The following LYST variants were observed in gnomAD, a reference collection of about 807,000 sequenced individuals.
LYST encodes lysosomal-trafficking regulator.
In LYST, 192 loss-of-function variants were observed where a neutral mutation model predicts 413.6. The ratio of observed to expected loss-of-function variants is 0.46; its 90% CI spans 0.41 to 0.52. LYST has a LOEUF of 0.52. LYST is among the 20% of genes least tolerant of loss of function. LYST has a pLI of 0.00. For synonymous variants in LYST, 1,525 were observed against 1,567.3 expected (o/e 0.97, Z 0.64); for missense variants, 3,815 against 4,499.9 (o/e 0.85, Z 4.35).
chr1:235,812,085 T>C (rs1334252531), intron 4 of LYST, among the ~76,000 whole-genome samples: 2 of 151,990 alleles, frequency 1.3e-5, no homozygotes, highest in African/African-American at 4.8e-5. Context: ...ACTATTAATC[T>C]CTCCAATGAA....
chr1:235,770,247 T>G lies in LYST; in HGVS notation c.5835A>C (p.Ala1945=). The G allele has an allele frequency of 6.2e-7, 1 of 1,613,682 alleles. No homozygotes were observed. The highest frequency in any genetic ancestry group is 1.7e-5 in the Admixed American group (1 of 59,976). The change falls in exon 20 of 53, where the codon GCA becomes GCC. Residue 1945 remains alanine, a synonymous_variant. Transcript: ENST00000389793. ...LLAALEVLIR[A]DHHQQMFNIK... is the part of the protein sequence containing the mutation. ...TATTAAACATCTGCTGGTGGTGATC[T>G]GCTCTGATGAGGACTTCTAGAGCTG...
chr1:235,802,309 C>T (rs1362882733), intron 8 of LYST, among the ~76,000 whole-genome samples: 1 of 151,574 alleles, frequency 6.6e-6, no homozygotes, highest in Non-Finnish European at 1.5e-5. Flanking sequence ...CCATCTTTTC[C>T]ATTCTACTCA....
At position 235,693,337 on chromosome 1, in the gene LYST, A is replaced by G; in HGVS notation, c.10701+13T>C. 1 of 1,578,920 alleles carries G rather than the reference A, an allele frequency of 6.3e-7. No individual in the cohort carries two copies. ...CTTAAAAATAAATAAATAAAATAAA[A>G]TAAAGTGTTTACCTGGTACTGTTGT... On this transcript the variant is annotated intron_variant, in intron 47 of 52. Transcript: ENST00000389793.
chr1:235,753,012 G>A (rs964117527), intron 26 of LYST, 32 bp downstream of exon 26: 86 of 1,141,176 alleles, frequency 7.5e-5, no homozygotes, highest in Non-Finnish European at 1.1e-4. Flanking sequence ...GTATTTATCA[G>A]ATGTAATTTT....
intron 1 of LYST, among the ~76,000 whole-genome samples, chr1:235,873,149 A>G (rs888565554): frequency 6.6e-6 from 1 of 152,176 alleles, no homozygotes; most frequent in Non-Finnish European, 1.5e-5. Flanking sequence ...CAAGGCACCA[A>G]ACTTTGGGGT....
At chr1:235,669,223 A>G (rs953771563) in intron 50 of LYST, among the ~76,000 whole-genome samples, 11 of 152,178 alleles carry the variant, frequency 7.2e-5, no homozygotes, top group African/African-American at 2.7e-4. Flanking sequence ...AATCAACCAC[A>G]TGATTGAGGA....
At chr1:235,879,740 CTT>C (rs66680369) in intron 1 of LYST, among the ~76,000 whole-genome samples, 98 of 146,214 alleles carry the variant, frequency 6.7e-4, no homozygotes, top group Non-Finnish European at 6.2e-4. Flanking sequence ...TTCTTTCTTT[CTT>C]TTTTTTTTTT....
chr1:235,882,812 T>C lies in LYST; in HGVS notation n.454+375A>G, dbSNP rs138425127. 1.4e-3 allele frequency among the ~76,000 whole-genome samples: 211 copies of C among 152,210 alleles called. 3 individuals carry two copies. In the East Asian group the frequency reaches 0.036, roughly 26 times the overall value. On this transcript the variant is annotated intron_variant and non_coding_transcript_variant, in intron 1 of 11. Transcript: ENST00000465349. ...CTTGTGTAAAAACATCCCACATGAG[T>C]CCATCTGCACACATGTATTGAGTGA... is the stretch of plus-strand genomic sequence containing the variant.
At chr1:235,880,115 G>A (rs60444302) in intron 1 of LYST, among the ~76,000 whole-genome samples, 8,974 of 152,250 alleles carry the variant, frequency 0.059, 882 homozygotes, top group African/African-American at 0.2. Flanking sequence ...TACATGCATA[G>A]CACTGTACCT....
intron 1 of LYST, among the ~76,000 whole-genome samples, chr1:235,847,843 C>G (rs1264611036): frequency 6.6e-6 from 1 of 152,158 alleles, no homozygotes; most frequent in East Asian, 1.9e-4. Context: ...GAAGATATCA[C>G]AATCCTAAAC....
chr1:235,709,209 C>G lies in LYST; in HGVS notation c.10025G>C (p.Arg3342Pro). 6.2e-7 allele frequency: 1 copy of G among 1,614,026 alleles called. No homozygotes were observed. The highest frequency in any genetic ancestry group is 8.5e-7 in the Non-Finnish European group (1 of 1,179,996). The stretch of plus-strand genomic sequence containing the variant: ...CACGTAGTCAGACTCTAGAGCCTGC[C>G]GATGGATGAGGATAAAAAGACGAGG... Reference protein sequence around the residue: ...NDPRLFILIHRQALESDYVSQ... With the variant: ...NDPRLFILIHPQALESDYVSQ... The change falls in exon 44 of 53, where the codon CGG becomes CCG. Residue 3342 changes from arginine (R) to proline (P), a missense_variant. Transcript: ENST00000389793.
At chr1:235,780,510 A>G (rs1255203595) in intron 16 of LYST, among the ~76,000 whole-genome samples, 1 of 152,140 alleles carries the variant, frequency 6.6e-6, no homozygotes, top group Non-Finnish European at 1.5e-5. Context: ...AAGTATGGAA[A>G]GAAAATATAA....
At chr1:235,695,260 T>C (rs891197338) in intron 46 of LYST, among the ~76,000 whole-genome samples, 7 of 152,256 alleles carry the variant, frequency 4.6e-5, no homozygotes, top group African/African-American at 1.7e-4. Context: ...TTGTTATTCC[T>C]ACTTTATAGA....
rs933705526 is a variant in LYST at position 235,749,828 on chromosome 1, G to A, written c.7780+1382C>T. On this transcript the variant is annotated intron_variant, in intron 28 of 52. Coordinates refer to ENST00000389793, the MANE Select transcript of LYST (RefSeq NM_000081.4). ...GTTACGTAGGGCTCTAAGGCTCAAG[G>A]TGACAAAATGCTAGTATCTAAAGAG... Among the ~76,000 whole-genome samples the A allele has an allele frequency of 5.3e-5, 8 of 152,266 alleles. No individual in the cohort carries two copies. In the East Asian group the frequency reaches 1.5e-3, roughly 29 times the overall value.
At chr1:235,800,515 A>G (rs1481201299) in intron 9 of LYST, 129 bp from the exon 10 acceptor site, 2 of 637,766 alleles carry the variant, frequency 3.1e-6, no homozygotes, top group East Asian at 2.8e-5. Context: ...AAATGACTAA[A>G]AAGACTACTA....
Position 235,808,688 on chromosome 1 carries a change from C to A in LYST, c.2130G>T (p.Gln710His). The A allele has an allele frequency of 6.2e-7, 1 of 1,613,540 alleles. No homozygotes were observed. Among genetic ancestry groups the A allele is most frequent in the Non-Finnish European group, 8.5e-7 (1 of 1,179,576 alleles). The change falls in exon 5 of 53, where the codon CAG (glutamine) becomes CAT (histidine). Residue 710 changes from glutamine to histidine, a missense_variant. By Grantham distance (24) the Gln-to-His change is conservative (BLOSUM62 0). Around this residue, in one of 4 missense-constraint regions of LYST, gnomAD observed 1,648 missense variants for 1,810.3 expected, o/e 0.91. Transcript: ENST00000389793. ...TTAAATTGCAAATGTGATTTGCAATCTGTATACTATGTAATCTGTCTTCTT... is the reference window on the plus strand; with the variant it reads ...TTAAATTGCAAATGTGATTTGCAATATGTATACTATGTAATCTGTCTTCTT... ...VFEEDRLHSI[Q>H]IANHICNLIQ...
In LYST at chr1:235,709,252, G is replaced by T. The variant is rs781461708; in HGVS notation, c.9982C>A (p.Pro3328Thr). 3 of 1,613,920 alleles carry T rather than the reference G, an allele frequency of 1.9e-6. No individual in the cohort carries two copies. Among genetic ancestry groups the T allele is most frequent in the Admixed American group, 1.7e-5 (1 of 59,976 alleles). ...GERVNHVNLP[P>T]WARNDPRLFI... ...AGACGAGGATCATTACGCGCCCAAG[G>T]GGGAAGGTTGACGTGATTAACCCGT... is the stretch of plus-strand genomic sequence containing the variant. Residue 3328 changes from proline to threonine, a missense_variant, in exon 44 of 53, where the codon CCT becomes ACT. Physicochemically the swap from Pro to Thr is conservative, Grantham distance 38. Coordinates refer to ENST00000389793, the MANE Select transcript of LYST (RefSeq NM_000081.4).
chr1:235,805,601 TATA>T (rs1454375286), intron 6 of LYST, 139 bp downstream of exon 6: 1 of 265,852 alleles, frequency 3.8e-6, no homozygotes, highest in African/African-American at 3.0e-5. Context: ...ATAAAAGTAA[TATA>T]TTATATGTTA....
Position 235,662,871 on chromosome 1 carries a change from A to G in LYST, c.*69T>C. The G allele has an allele frequency of 1.1e-6, 1 of 889,774 alleles. No individual in the cohort carries two copies. The highest frequency in any genetic ancestry group is 1.9e-6 in the Non-Finnish European group (1 of 518,360). The allele number at this position is 889,774 out of a possible 1,614,324, so 55.1% of individuals were successfully genotyped here. The stretch of plus-strand genomic sequence containing the variant: ...TCCATTTCTTTAGGTTCAACCTCCT[A>G]AAACTGGTGAAGTCAACAAATCTAG... On this transcript the variant is annotated 3_prime_UTR_variant, in exon 53 of 53. Coordinates refer to ENST00000389793, the MANE Select transcript of LYST (RefSeq NM_000081.4).
Sources: allele counts gnomAD v4.1 joint callset (sites outside exome capture counted in the v4.1 genomes callset), GRCh38; gene constraint gnomAD v4.1.1; regional missense constraint gnomAD v4.1.1; transcripts MANE v1.5; gene names NCBI Gene and HGNC (gene_info 2026-07-23, HGNC 2026-07-21).